Variants in FOXP1 observed in about 807,000 individuals in gnomAD.
The protein encoded by FOXP1 is forkhead box protein P1.
FOXP1 carries 15 observed loss-of-function variants against 98.2 expected under a neutral mutation model. That is an observed-to-expected ratio of 0.15 (90% CI 0.10 to 0.24). The LOEUF (loss-of-function observed/expected upper bound fraction) is 0.24, where lower values mean the gene tolerates loss of function less well. Ranked by LOEUF, FOXP1 falls within the 10% of genes least tolerant of loss-of-function variation. The probability of loss-of-function intolerance (pLI) is 1.00; values close to 1 mark genes in which losing one functional copy is unlikely to be tolerated. For synonymous variants in FOXP1, 371 were observed against 314.5 expected, an observed-to-expected ratio of 1.18 and a Z score of -1.90; for missense variants, 633 against 848.5, an observed-to-expected ratio of 0.75 and a Z score of 3.15.
At chr3:71,387,453 C>A (rs529800638) in intron 3 of FOXP1, among the ~76,000 whole-genome samples, 76 of 152,300 alleles carry the variant, frequency 5.0e-4, no homozygotes, top group African/African-American at 1.5e-3. Context: ...GCTAAGACAT[C>A]TAAAATTGTA....
At chr3:71,344,442 G>A (rs922163547) in intron 4 of FOXP1, among the ~76,000 whole-genome samples, 5 of 152,072 alleles carry the variant, frequency 3.3e-5, no homozygotes, top group Admixed American at 3.3e-4. Flanking sequence ...CAGTTAAAAC[G>A]ACAAATAATA....
At chr3:71,028,842 T>C (rs572072141) in intron 11 of FOXP1, among the ~76,000 whole-genome samples, 3 of 152,340 alleles carry the variant, frequency 2.0e-5, no homozygotes, top group East Asian at 1.9e-4. Flanking sequence ...TGACAGATCA[T>C]TGGGCATTAG....
intron 6 of FOXP1, among the ~76,000 whole-genome samples, chr3:71,115,142 G>A (rs2058260895): frequency 6.6e-6 from 1 of 151,728 alleles, no homozygotes; most frequent in South Asian, 2.1e-4. Flanking sequence ...GCAGAGAGAG[G>A]GACTATAGAT....
intron 5 of FOXP1, among the ~76,000 whole-genome samples, chr3:71,216,451 A>C (rs1310695060): frequency 6.6e-6 from 1 of 152,184 alleles, no homozygotes; most frequent in Non-Finnish European, 1.5e-5. Context: ...AGAATGGTTG[A>C]TTTGAATGGG....
At chr3:71,373,864 A>G (rs2079520728) in intron 3 of FOXP1, among the ~76,000 whole-genome samples, 1 of 152,226 alleles carries the variant, frequency 6.6e-6, no homozygotes, top group Non-Finnish European at 1.5e-5. Flanking sequence ...GTCTTCTTGT[A>G]GCAAAGACAA....
intron 4 of FOXP1, among the ~76,000 whole-genome samples, chr3:71,313,586 C>T (rs919495450): frequency 6.6e-6 from 1 of 151,358 alleles, no homozygotes; most frequent in Non-Finnish European, 1.5e-5. Context: ...AGTGCAGTGG[C>T]GCTATCTCTG....
intron 6 of FOXP1, among the ~76,000 whole-genome samples, chr3:71,154,093 CTTCTTT>C (rs796895613): frequency 7.0e-5 from 9 of 128,182 alleles, no homozygotes; most frequent in African/African-American, 2.4e-4. Flanking sequence ...TCTTCTTCTT[CTTCTTT>C]TTTTTTGCAA....
At chr3:71,202,412 T>C (rs1046780164) in intron 5 of FOXP1, among the ~76,000 whole-genome samples, 3 of 152,184 alleles carry the variant, frequency 2.0e-5, no homozygotes, top group Non-Finnish European at 4.4e-5. Context: ...TCTAAGAACA[T>C]TTCTAACAGT....
At chr3:71,093,933 T>A (rs760610415) in intron 7 of FOXP1, among the ~76,000 whole-genome samples, 3 of 152,180 alleles carry the variant, frequency 2.0e-5, no homozygotes, top group Non-Finnish European at 2.9e-5. Flanking sequence ...AGTAACATTG[T>A]TCTCTATCAG....
intron 7 of FOXP1, among the ~76,000 whole-genome samples, chr3:71,054,382 C>T (rs1180420688): frequency 6.6e-6 from 1 of 152,226 alleles, no homozygotes; most frequent in Non-Finnish European, 1.5e-5. Context: ...AACCCGCTTT[C>T]CATGACATTT....
chr3:71,496,052 T>A (rs531482415), intron 2 of FOXP1, among the ~76,000 whole-genome samples: 2 of 152,318 alleles, frequency 1.3e-5, no homozygotes, highest in Non-Finnish European at 1.5e-5. Flanking sequence ...AGCTTTCAAT[T>A]CTACAAATAA....
chr3:71,569,658 T>TA (rs2047180223), intron 2 of FOXP1, among the ~76,000 whole-genome samples: 2 of 151,952 alleles, frequency 1.3e-5, no homozygotes, highest in Admixed American at 1.3e-4. Flanking sequence ...CACATACACA[T>TA]AGAGAGAGAG....
chr3:71,569,895 G>A (rs2047204552), intron 2 of FOXP1, among the ~76,000 whole-genome samples: 1 of 151,622 alleles, frequency 6.6e-6, no homozygotes, highest in African/African-American at 2.4e-5. Context: ...CCATTCTCCT[G>A]CCTCAGCCTC....
chr3:71,389,577 G>A (rs1455675174), intron 3 of FOXP1, among the ~76,000 whole-genome samples: 2 of 152,106 alleles, frequency 1.3e-5, no homozygotes, highest in Non-Finnish European at 2.9e-5. Context: ...AAGAAAACAC[G>A]AAGAGCTTTC....
intron 3 of FOXP1, among the ~76,000 whole-genome samples, chr3:71,428,930 T>A (rs2108371616): frequency 6.6e-6 from 1 of 152,314 alleles, no homozygotes. Flanking sequence ...GAGGTCCCGT[T>A]CAGCTCGTCC....
chr3:71,198,089 T>C (rs757924448), intron 6 of FOXP1, 113 bp downstream of exon 6: 4 of 1,614,114 alleles, frequency 2.5e-6, no homozygotes, highest in East Asian at 2.2e-5. Flanking sequence ...GAAAGACAGA[T>C]GGACAGACAG....
intron 12 of FOXP1, among the ~76,000 whole-genome samples, chr3:71,014,720 T>C (rs985161550): frequency 6.6e-6 from 1 of 152,164 alleles, no homozygotes; most frequent in African/African-American, 2.4e-5. Context: ...CTATTCACAA[T>C]AGTAATACTT....
chr3:71,037,778 T>A (rs938336776), intron 11 of FOXP1, among the ~76,000 whole-genome samples: 7 of 152,204 alleles, frequency 4.6e-5, no homozygotes, highest in Non-Finnish European at 8.8e-5. Context: ...AGGGACAGGA[T>A]CTTAACAAGC....
chr3:71,008,281 A>C (rs571722277), intron 12 of FOXP1, among the ~76,000 whole-genome samples: 1 of 152,142 alleles, frequency 6.6e-6, no homozygotes, highest in Non-Finnish European at 1.5e-5. Context: ...ATGAGCATTA[A>C]AAAAAGGGAG....
Sources: gnomAD v4.1 joint callset for allele counts (sites outside exome capture counted in the v4.1 genomes callset) on GRCh38, gnomAD v4.1.1 for gene constraint, MANE v1.5 for transcripts, NCBI Gene and HGNC (gene_info 2026-07-23, HGNC 2026-07-21) for gene names.